The following DOCK10 variants were observed in gnomAD, a reference collection of about 807,000 sequenced individuals.
DOCK10 encodes the protein dedicator of cytokinesis 10.
In DOCK10, 145 loss-of-function variants were observed where a neutral mutation model predicts 280.1. The observed-to-expected ratio is 0.52, with a 90% CI of 0.45 to 0.59. The LOEUF (loss-of-function observed/expected upper bound fraction) is 0.59, where lower values mean the gene tolerates loss of function less well. Ranked by LOEUF, DOCK10 falls within the 20% of genes least tolerant of loss-of-function variation. The probability of loss-of-function intolerance (pLI) is 0.00; values close to 1 mark genes in which losing one functional copy is unlikely to be tolerated. For synonymous variants in DOCK10, 915 were observed against 942.2 expected (o/e 0.97, Z 0.53); for missense variants, 2,368 against 2,651.7 (o/e 0.89, Z 2.35).
At chr2:224,921,096 A>ATAT (rs1480408193) in intron 2 of DOCK10, among the ~76,000 whole-genome samples, 22 of 29,966 alleles carry the variant, frequency 7.3e-4, no homozygotes, top group South Asian at 1.5e-3. Flanking sequence ...CTCTATTAAA[A>ATAT]AAAAAAAAAA....
At chr2:224,844,873 C>T in intron 21 of DOCK10, 34 bp from the exon 22 acceptor site, 2 of 1,406,314 alleles carry the variant, frequency 1.4e-6, no homozygotes, top group Non-Finnish European at 2.0e-6. Flanking sequence ...GTCACTGGGA[C>T]AATTCGAGAG....
intron 3 of DOCK10, among the ~76,000 whole-genome samples, chr2:224,903,219 C>G (rs1700409592): frequency 6.6e-6 from 1 of 152,230 alleles, no homozygotes; most frequent in African/African-American, 2.4e-5. Flanking sequence ...GTCTCAGTTT[C>G]AGAAATCACA....
intron 50 of DOCK10, among the ~76,000 whole-genome samples, chr2:224,781,182 C>T (rs767456836): frequency 2.0e-5 from 3 of 152,122 alleles, no homozygotes; most frequent in East Asian, 1.9e-4. Flanking sequence ...TTTCAGTGCT[C>T]GAAAATACAT....
In DOCK10 at chr2:224,774,948, G is replaced by A. The variant is rs374530117; in HGVS notation, c.5970C>T (p.His1990=). ...GCTTGCACTGCTCCGCCACCCCACC[G>A]TGCTTCTTGCCCGACAGCGTGAAGG... ...ETPFTLSGKK[H]GGVAEQCKRR... is the part of the protein sequence containing the mutation. The change falls in exon 52 of 56, where the codon CAC becomes CAT. Residue 1990 remains histidine (H), a synonymous_variant. Transcript: ENST00000258390. 68 of 1,609,046 alleles carry A rather than the reference G, an allele frequency of 4.2e-5. No individual in the cohort carries two copies. The highest frequency in any genetic ancestry group is 2.8e-4 in the South Asian group (25 of 90,112).
Position 225,006,602 on chromosome 2 carries a change from C to T in DOCK10, c.123+35650G>A, listed in dbSNP as rs112060821. 6.1e-3 allele frequency among the ~76,000 whole-genome samples: 926 copies of T among 152,292 alleles called. 6 individuals are homozygous for T. Among genetic ancestry groups the T allele is most frequent in the Non-Finnish European group, 0.011 (756 of 68,022 alleles). Reference sequence around the variant, plus strand: ...AAGGTAATGTCTCTGTCTTCTAAGCCGTTCTAGTCCTCCTACTACACCTAT... The same window carrying T: ...AAGGTAATGTCTCTGTCTTCTAAGCTGTTCTAGTCCTCCTACTACACCTAT... On this transcript the variant is annotated intron_variant, in intron 1 of 55. Transcript: ENST00000258390.
intron 21 of DOCK10, among the ~76,000 whole-genome samples, 180 bp downstream of exon 21, chr2:224,845,023 A>C (rs779119172): frequency 1.3e-5 from 2 of 152,244 alleles, no homozygotes; most frequent in African/African-American, 2.4e-5. Context: ...CATCGGGATC[A>C]TTTTTAACAT....
intron 50 of DOCK10, 181 bp from the exon 51 acceptor site, chr2:224,778,465 C>A: frequency 1.5e-6 from 1 of 672,254 alleles, no homozygotes; most frequent in South Asian, 1.6e-5. Flanking sequence ...AAAGTATCAT[C>A]TTATAATCAG....
At chr2:224,855,670 A>C (rs941731629) in intron 15 of DOCK10, among the ~76,000 whole-genome samples, 4 of 152,150 alleles carry the variant, frequency 2.6e-5, no homozygotes, top group Non-Finnish European at 4.4e-5. Flanking sequence ...ACCTCTCGCC[A>C]ATCTTCCTTT....
intron 1 of DOCK10, among the ~76,000 whole-genome samples, chr2:224,996,686 T>C (rs1001119028): frequency 6.6e-6 from 1 of 152,212 alleles, no homozygotes; most frequent in South Asian, 2.1e-4. Context: ...GGCATAATAA[T>C]GTCAATAAGC....
rs1441448646 is a variant in DOCK10, at chr2:224,849,521, C to G, written c.2221G>C (p.Asp741His). ...CTAGCTCTTACCTCATCTGAGAAAT[C>G]CGGATTCTGAGAGTGGTGCAGAACT... ...TAVLHHSQNP[D>H]FSDEVKIELP... The change falls in exon 19 of 56, where the codon GAT becomes CAT. Residue 741 changes from aspartate to histidine, a missense_variant. Physicochemically the swap from Asp to His is moderately conservative, Grantham distance 81. This residue lies in a region of DOCK10 where 1,209 missense variants were observed against 1,250.9 expected (regional missense o/e 0.97). Coordinates refer to ENST00000258390, the MANE Select transcript of DOCK10 (RefSeq NM_014689.3). 6.2e-7 allele frequency: 1 copy of G among 1,611,402 alleles called. No individual in the cohort carries two copies. Among genetic ancestry groups the G allele is most frequent in the South Asian group, 1.1e-5 (1 of 90,178 alleles).
chr2:224,916,914 C>A (rs963575509), intron 2 of DOCK10, 130 bp from the exon 3 acceptor site: 1 of 663,868 alleles, frequency 1.5e-6, no homozygotes, highest in African/African-American at 1.8e-5. Context: ...AGAGACACTT[C>A]TGTAGTTCTT....
At chr2:224,882,356 C>A (rs1201540086) in intron 7 of DOCK10, among the ~76,000 whole-genome samples, 1 of 152,136 alleles carries the variant, frequency 6.6e-6, no homozygotes, top group African/African-American at 2.4e-5. Flanking sequence ...TAAAAAATAT[C>A]TAATACTCTT....
At chr2:224,922,263 A>G (rs1701804752) in intron 2 of DOCK10, among the ~76,000 whole-genome samples, 1 of 152,188 alleles carries the variant, frequency 6.6e-6, no homozygotes, top group Non-Finnish European at 1.5e-5. Flanking sequence ...AAAACTGTAA[A>G]CAATCATATT....
intron 55 of DOCK10, among the ~76,000 whole-genome samples, chr2:224,766,542 A>G (rs1332075905): frequency 6.6e-6 from 1 of 152,212 alleles, no homozygotes; most frequent in Non-Finnish European, 1.5e-5. Flanking sequence ...CCTTATGATC[A>G]ATATCACAAA....
Position 224,904,919 on chromosome 2 carries a change from T to G in DOCK10, c.334-8542A>C, listed in dbSNP as rs533725866. ...AGATAAATTTCATTCTAGTTAGATATATTTCTTTCAGTTAAAAATGAGCAG... is the reference window on the plus strand; with the variant it reads ...AGATAAATTTCATTCTAGTTAGATAGATTTCTTTCAGTTAAAAATGAGCAG... On this transcript the variant is annotated intron_variant, in intron 3 of 55. Coordinates refer to ENST00000258390, the MANE Select transcript of DOCK10 (RefSeq NM_014689.3). Among the ~76,000 whole-genome samples the G allele has an allele frequency of 1.1e-4, 17 of 152,344 alleles. No individual in the cohort carries two copies. The South Asian group carries it at 2.5e-3, about 22-fold the overall frequency.
intron 46 of DOCK10, 67 bp downstream of exon 46, chr2:224,793,333 A>T (rs1217837251): frequency 1.6e-6 from 2 of 1,276,214 alleles, no homozygotes; most frequent in Non-Finnish European, 2.2e-6. Context: ...AAATTAATAC[A>T]TTATTTCTAT....
intron 2 of DOCK10, among the ~76,000 whole-genome samples, chr2:224,925,462 G>C (rs1701997983): frequency 6.6e-6 from 1 of 152,196 alleles, no homozygotes; most frequent in Admixed American, 6.5e-5. Flanking sequence ...TGGAATTTGA[G>C]AAGATAATGA....
intron 50 of DOCK10, among the ~76,000 whole-genome samples, chr2:224,782,325 G>A (rs914779837): frequency 6.6e-6 from 1 of 152,124 alleles, no homozygotes; most frequent in Admixed American, 6.5e-5. Context: ...GGCCTTTGGT[G>A]GATAGAATAA....
intron 1 of DOCK10, among the ~76,000 whole-genome samples, chr2:225,030,406 T>A (rs1014795837): frequency 1.3e-5 from 2 of 152,152 alleles, no homozygotes; most frequent in Non-Finnish European, 2.9e-5. Context: ...CCGCTCTCCA[T>A]CATGTGACTG....
Sources: allele counts gnomAD v4.1 joint callset (sites outside exome capture counted in the v4.1 genomes callset), GRCh38; gene constraint gnomAD v4.1.1; regional missense constraint gnomAD v4.1.1; transcripts MANE v1.5; gene names NCBI Gene and HGNC (gene_info 2026-07-23, HGNC 2026-07-21).